Variants in ZBTB41 observed in about 807,000 individuals in gnomAD.
ZBTB41 encodes zinc finger and BTB domain containing 41.
Under a neutral mutation model 87.6 loss-of-function variants are expected in ZBTB41, and 42 were observed. The ratio of observed to expected loss-of-function variants is 0.48; its 90% CI spans 0.37 to 0.62. The LOEUF is 0.62. ZBTB41 is among the 20% of genes least tolerant of loss of function. ZBTB41 has a pLI of 0.00. For missense variants in ZBTB41, 799 were observed against 1,078.9 expected (o/e 0.74, Z 3.63); for synonymous variants, 364 against 364.0 (o/e 1.00, Z 0.00).
intron 10 of ZBTB41, among the ~76,000 whole-genome samples, chr1:197,167,078 C>T (rs902970418): frequency 6.6e-6 from 1 of 152,122 alleles, no homozygotes. Flanking sequence ...AAGATATAGG[C>T]AATATGTCTC....
chr1:197,161,489 C>A (rs1258623186), intron 10 of ZBTB41, among the ~76,000 whole-genome samples: 4 of 101,548 alleles, frequency 3.9e-5, no homozygotes, highest in African/African-American at 1.2e-4. Context: ...CCCATTGGAA[C>A]CTTCAAATCC....
intron 10 of ZBTB41, among the ~76,000 whole-genome samples, chr1:197,166,047 G>A (rs1003641699): frequency 8.6e-5 from 13 of 151,310 alleles, no homozygotes; most frequent in Admixed American, 8.5e-4. Flanking sequence ...TTGGGGGATG[G>A]GGGGGCCTGG....
At chr1:197,190,731 T>A in intron 4 of ZBTB41, 31 bp downstream of exon 4, 1 of 1,459,506 alleles carries the variant, frequency 6.9e-7, no homozygotes, top group Non-Finnish European at 9.5e-7. Flanking sequence ...TTACTTTGGT[T>A]TTCTAATTTG....
rs539476169 is a variant in ZBTB41 at position 197,195,679 on chromosome 1, G to A, written c.1120+3675C>T. Among the ~76,000 whole-genome samples, 70 of 152,014 alleles carry A rather than the reference G, an allele frequency of 4.6e-4. No homozygotes were observed. The Middle Eastern group carries it at 0.01, about 22-fold the overall frequency. On this transcript the variant is annotated intron_variant, in intron 2 of 10. Coordinates refer to ENST00000367405, the MANE Select transcript of ZBTB41 (RefSeq NM_194314.3). ...TAATGAAAGATTTTAGTTCTCTGTG[G>A]AAACAATAAAAAAGATGAATTATCC...
rs2125119506 is a variant in ZBTB41, at chr1:197,154,346, AAATATAATCCTTAATTTCTCCTCTG to A, written c.*4988_*5012del. The A allele has an allele frequency of 6.6e-6, 1 of 152,346 alleles. No homozygotes were observed. Among genetic ancestry groups the A allele is most frequent in the South Asian group, 2.1e-4 (1 of 4,830 alleles). The allele number at this position is 152,346 out of a possible 1,614,324, so 9.4% of individuals were successfully genotyped here. On this transcript the variant is annotated 3_prime_UTR_variant, in exon 11 of 11. Coordinates refer to ENST00000367405, the MANE Select transcript of ZBTB41 (RefSeq NM_194314.3). ...ATTCTTTGTATAACCTCTGTGCTCTAAATATAATCCTTAATTTCTCCTCTGAATATAATCCTTAATTTCTCTTTAT... is the reference window on the plus strand; with the variant it reads ...ATTCTTTGTATAACCTCTGTGCTCTAAATATAATCCTTAATTTCTCTTTAT...
chr1:197,159,627 G>A lies in ZBTB41; in HGVS notation c.2462C>T (p.Pro821Leu), dbSNP rs752865121. The change falls in exon 11 of 11, where the codon CCG becomes CTG. Residue 821 changes from proline (P) to leucine (L), a missense_variant. Coordinates refer to ENST00000367405, the MANE Select transcript of ZBTB41 (RefSeq NM_194314.3). ...GGTAGTATGACGCACTAGGTCACTC[G>A]GAGTGTCAGGCATCTGAACTGGAAC... is the stretch of plus-strand genomic sequence containing the variant. ...TLVPVQMPDT[P>L]SDLVRHTTTL... 7.4e-6 allele frequency: 12 copies of A among 1,613,842 alleles called. No individual in the cohort carries two copies. In the Admixed American group the frequency reaches 8.3e-5, roughly 11 times the overall value.
chr1:197,191,551 A>AG (rs1660035398), intron 3 of ZBTB41, 141 bp downstream of exon 3: 1 of 627,372 alleles, frequency 1.6e-6, no homozygotes, highest in East Asian at 3.1e-5. Context: ...AAGAAAGAAA[A>AG]CAGGATAATC....
chr1:197,160,629 C>A (rs1659178951), intron 10 of ZBTB41, among the ~76,000 whole-genome samples: 1 of 152,068 alleles, frequency 6.6e-6, no homozygotes, highest in Admixed American at 6.6e-5. Context: ...CAGGTTCTCA[C>A]ACTGTAGTTT....
At position 197,191,165 on chromosome 1, in the gene ZBTB41, G is replaced by T. The variant is rs1177691110; in HGVS notation, c.1329-334C>A. Among the ~76,000 whole-genome samples the T allele has an allele frequency of 2.0e-5, 3 of 151,832 alleles. No homozygotes were observed. The South Asian group carries it at 6.2e-4, about 32-fold the overall frequency. On this transcript the variant is annotated intron_variant, in intron 3 of 10. Transcript: ENST00000367405. Reference sequence around the variant, plus strand: ...ACATTAAAGACAATGTTGAGTATAAGAATAAATTTCTTGACCGGGCGTGGT... The same window carrying T: ...ACATTAAAGACAATGTTGAGTATAATAATAAATTTCTTGACCGGGCGTGGT...
chr1:197,175,998 A>G (rs1041120797), intron 8 of ZBTB41: 5 of 152,138 alleles, frequency 3.3e-5, no homozygotes, highest in African/African-American at 1.2e-4. Flanking sequence ...CTCTCTTAGC[A>G]CTTCCTGAAC....
intron 7 of ZBTB41, among the ~76,000 whole-genome samples, chr1:197,178,086 A>C (rs1020938309): frequency 2.6e-5 from 4 of 151,972 alleles, no homozygotes; most frequent in African/African-American, 9.7e-5. Context: ...TTCATATTAA[A>C]ATGTTCTTTG....
At position 197,154,218 on chromosome 1, in the gene ZBTB41, G is replaced by C. The variant is rs1659009534; in HGVS notation, c.*5141C>G. ...GCAAAAAAATACGCAGTAACAATGA[G>C]ATGTGTACATCCTCTTCATTCAATA... is the stretch of plus-strand genomic sequence containing the variant. On this transcript the variant is annotated 3_prime_UTR_variant, in exon 11 of 11. Transcript: ENST00000367405. 6.6e-6 allele frequency: 1 copy of C among 152,530 alleles called. No homozygotes were observed. The highest frequency in any genetic ancestry group is 6.6e-5 in the Admixed American group (1 of 15,256). 9.4% of individuals were successfully genotyped at this position (152,530 alleles called of 1,614,324 possible). A position where few individuals can be genotyped will look rare whatever the true frequency, so the allele number is the denominator to read the frequency against.
rs1229344846 is a variant in ZBTB41, at chr1:197,155,468, G to GA, written c.*3890dup. The GA allele has an allele frequency of 6.6e-6, 1 of 152,254 alleles. No individual in the cohort carries two copies. The highest frequency in any genetic ancestry group is 1.5e-5 in the Non-Finnish European group (1 of 67,814). The allele number at this position is 152,254 out of a possible 1,614,324, so 9.4% of individuals were successfully genotyped here. Reference sequence around the variant, plus strand: ...GAAAAGGCACAAAGCATTCAATGCAGAAAAGACTGGGTATAAAAGGACACT... The same window carrying GA: ...GAAAAGGCACAAAGCATTCAATGCAGAAAAAGACTGGGTATAAAAGGACACT... On this transcript the variant is annotated 3_prime_UTR_variant, in exon 11 of 11. Coordinates refer to ENST00000367405, the MANE Select transcript of ZBTB41 (RefSeq NM_194314.3).
intron 2 of ZBTB41, among the ~76,000 whole-genome samples, chr1:197,198,477 A>C (rs1660221023): frequency 6.6e-6 from 1 of 152,178 alleles, no homozygotes; most frequent in Non-Finnish European, 1.5e-5. Context: ...CTACCAGGTC[A>C]GATTGCAGTA....
chr1:197,175,702 C>A (rs968584599), intron 8 of ZBTB41, among the ~76,000 whole-genome samples: 1 of 151,388 alleles, frequency 6.6e-6, no homozygotes, highest in Non-Finnish European at 1.5e-5. Flanking sequence ...ATTACTGTCT[C>A]AATACCAGTG....
In ZBTB41 at chr1:197,156,494, T is replaced by C. The variant is rs1446419125; in HGVS notation, c.*2865A>G. On this transcript the variant is annotated 3_prime_UTR_variant, in exon 11 of 11. Transcript: ENST00000367405. ...AATGAGGCTAAACTTAGTTGCAAGATTCAAAATTTTAAGTACAGTTACAAA... is the reference window on the plus strand; with the variant it reads ...AATGAGGCTAAACTTAGTTGCAAGACTCAAAATTTTAAGTACAGTTACAAA... 2 of 152,248 alleles carry C rather than the reference T, an allele frequency of 1.3e-5. No individual in the cohort carries two copies. The highest frequency in any genetic ancestry group is 2.4e-5 in the African/African-American group (1 of 41,414). The allele number at this position is 152,248 out of a possible 1,614,324, so 9.4% of individuals were successfully genotyped here.
chr1:197,175,057 G>A lies in ZBTB41; in HGVS notation c.1938C>T (p.Leu646=). 2 of 1,611,358 alleles carry A rather than the reference G, an allele frequency of 1.2e-6. No homozygotes were observed. The highest frequency in any genetic ancestry group is 2.2e-5 in the East Asian group (1 of 44,722). ...GGTGTACGCTTTTGTAATGAACAGT[G>A]AGATGATCCCTACGACCAAAACATT... ...CGKCFGRRDH[L]TVHYKSVHLG... Residue 646 remains leucine (L), a synonymous_variant, in exon 9 of 11, where the codon CTC becomes CTT. Coordinates refer to ENST00000367405, the MANE Select transcript of ZBTB41 (RefSeq NM_194314.3).
At position 197,153,812 on chromosome 1, in the gene ZBTB41, A is replaced by G. The variant is rs956055552; in HGVS notation, c.*5547T>C. 1 of 152,212 alleles carries G rather than the reference A, an allele frequency of 6.6e-6. No homozygotes were observed. Among genetic ancestry groups the G allele is most frequent in the Non-Finnish European group, 1.5e-5 (1 of 68,018 alleles). The allele number at this position is 152,212 out of a possible 1,614,324, so 9.4% of individuals were successfully genotyped here. On this transcript the variant is annotated 3_prime_UTR_variant, in exon 11 of 11. Transcript: ENST00000367405. ...ATAAAGACATTTATACTTAGGAAAC[A>G]TCAGACAACCAAAGTATGTATAAAA...
chr1:197,191,717 T>G lies in ZBTB41; in HGVS notation c.1303A>C (p.Lys435Gln). 1 of 1,613,280 alleles carries G rather than the reference T, an allele frequency of 6.2e-7. No homozygotes were observed. Among genetic ancestry groups the G allele is most frequent in the Non-Finnish European group, 8.5e-7 (1 of 1,179,656 alleles). Residue 435 changes from lysine (K) to glutamine (Q), a missense_variant, in exon 3 of 11, where the codon AAG becomes CAG. Lys to Gln is a moderately conservative substitution (Grantham distance 53). Transcript: ENST00000367405. ...CTCTTAACATGCTTGGCTAAAGTCT[T>G]CTTGCTTGCATGAAGTTTATTACAA... ...PYCNKLHASK[K>Q]TLAKHVKRFH...
Sources: gnomAD v4.1 joint callset for allele counts (sites outside exome capture counted in the v4.1 genomes callset) on GRCh38, gnomAD v4.1.1 for gene constraint, MANE v1.5 for transcripts, NCBI Gene and HGNC (gene_info 2026-07-23, HGNC 2026-07-21) for gene names.